BMP5: variants seen among roughly 807,000 people sequenced by gnomAD.
The protein encoded by BMP5 is bone morphogenetic protein 5.
A neutral mutation model predicts 46.6 loss-of-function variants in BMP5; 23 were observed. That is an observed-to-expected ratio of 0.49 (90% CI 0.35 to 0.70). The LOEUF is 0.70. Among genes scored for constraint, BMP5 ranks in the 30% least tolerant of loss-of-function variants. The pLI is 0.00. For synonymous variants in BMP5, 204 were observed against 191.9 expected, an observed-to-expected ratio of 1.06 and a Z score of -0.52; for missense variants, 545 against 565.6, an observed-to-expected ratio of 0.96 and a Z score of 0.37.
chr6:55,866,889 T>C (rs1777652557), intron 1 of BMP5, among the ~76,000 whole-genome samples: 3 of 152,186 alleles, frequency 2.0e-5, no homozygotes, highest in Admixed American at 1.3e-4. Flanking sequence ...CACTAAATTA[T>C]TATTCTCTCT....
chr6:55,764,583 A>AAAAG (rs1774875632), intron 4 of BMP5, among the ~76,000 whole-genome samples: 1 of 147,406 alleles, frequency 6.8e-6, no homozygotes, highest in Non-Finnish European at 1.5e-5. Flanking sequence ...AAAAAAAAAA[A>AAAAG]AAAAGAAAAA....
At chr6:55,764,527 G>A (rs1774871841) in intron 4 of BMP5, among the ~76,000 whole-genome samples, 1 of 149,994 alleles carries the variant, frequency 6.7e-6, no homozygotes. Flanking sequence ...GAGCGAGATG[G>A]TGCCACTTCA....
intron 4 of BMP5, among the ~76,000 whole-genome samples, chr6:55,766,138 G>A (rs973976276): frequency 6.6e-6 from 1 of 151,950 alleles, no homozygotes; most frequent in African/African-American, 2.4e-5. Flanking sequence ...TTTAATCTAG[G>A]TATCCTGTTG....
chr6:55,833,397 G>T (rs569025255), intron 1 of BMP5, among the ~76,000 whole-genome samples: 2 of 152,280 alleles, frequency 1.3e-5, no homozygotes, highest in Admixed American at 1.3e-4. Context: ...ACCAGCCTAT[G>T]CCACATTGGT....
At chr6:55,812,699 G>C (rs1776164226) in intron 2 of BMP5, among the ~76,000 whole-genome samples, 1 of 152,174 alleles carries the variant, frequency 6.6e-6, no homozygotes, top group African/African-American at 2.4e-5. Flanking sequence ...CTTTGACACA[G>C]AAGTTTTGAG....
intron 3 of BMP5, among the ~76,000 whole-genome samples, chr6:55,789,930 T>C (rs545257473): frequency 6.6e-6 from 1 of 152,288 alleles, no homozygotes; most frequent in East Asian, 1.9e-4. Context: ...TTGCAGTTCA[T>C]TTGTCAAATT....
chr6:55,787,186 G>A (rs1775469634), intron 3 of BMP5, among the ~76,000 whole-genome samples: 1 of 151,488 alleles, frequency 6.6e-6, no homozygotes, highest in South Asian at 2.1e-4. Context: ...TTAATTTGGA[G>A]CTCTTTCCCT....
At chr6:55,788,408 C>T (rs781301130) in intron 3 of BMP5, among the ~76,000 whole-genome samples, 12 of 151,778 alleles carry the variant, frequency 7.9e-5, no homozygotes, top group Non-Finnish European at 1.8e-4. Flanking sequence ...AATAACATAA[C>T]TGCCTATATA....
chr6:55,836,270 C>T (rs1363857403), intron 1 of BMP5, among the ~76,000 whole-genome samples: 1 of 152,052 alleles, frequency 6.6e-6, no homozygotes, highest in Non-Finnish European at 1.5e-5. Flanking sequence ...TCAGACTAAG[C>T]TTGAAAGTGA....
At chr6:55,809,567 G>T (rs1272733553) in intron 2 of BMP5, among the ~76,000 whole-genome samples, 3 of 151,784 alleles carry the variant, frequency 2.0e-5, no homozygotes, top group Non-Finnish European at 4.4e-5. Context: ...TGTGGTTGTG[G>T]TTTCAATTAC....
chr6:55,866,824 G>A (rs1159570667), intron 1 of BMP5, among the ~76,000 whole-genome samples: 3 of 152,084 alleles, frequency 2.0e-5, no homozygotes, highest in African/African-American at 7.2e-5. Flanking sequence ...CTTTCAGCAT[G>A]CCATGCTTAT....
At chr6:55,821,152 G>A (rs7767094) in intron 1 of BMP5, among the ~76,000 whole-genome samples, 1,862 of 152,202 alleles carry the variant, frequency 0.012, 40 homozygotes, top group African/African-American at 0.042. Context: ...ATGATGCTGC[G>A]GAGACAAGGC....
At chr6:55,816,142 A>G (rs1776260241) in intron 2 of BMP5, among the ~76,000 whole-genome samples, 1 of 152,082 alleles carries the variant, frequency 6.6e-6, no homozygotes, top group African/African-American at 2.4e-5. Context: ...CAACATACAT[A>G]AAATATATAT....
chr6:55,795,508 T>C (rs1418767599), intron 2 of BMP5, among the ~76,000 whole-genome samples: 1 of 152,130 alleles, frequency 6.6e-6, no homozygotes. Context: ...ATTTTCTGTC[T>C]GTATACATCA....
intron 1 of BMP5, among the ~76,000 whole-genome samples, chr6:55,843,608 A>T (rs1395997940): frequency 6.6e-6 from 1 of 152,102 alleles, no homozygotes; most frequent in Non-Finnish European, 1.5e-5. Flanking sequence ...GAAAAAAAGC[A>T]ACTATAGATC....
At chr6:55,774,921 A>G (rs1352631091) in intron 3 of BMP5, among the ~76,000 whole-genome samples, 1 of 152,016 alleles carries the variant, frequency 6.6e-6, no homozygotes. Context: ...AAATAAACAT[A>G]GAAATTTTGG....
chr6:55,872,539 T>C (rs528332446), intron 1 of BMP5, among the ~76,000 whole-genome samples: 6 of 151,808 alleles, frequency 4.0e-5, no homozygotes, highest in South Asian at 2.1e-4. Context: ...AAAAAAGTTA[T>C]AGGAATCAAT....
At chr6:55,764,300 G>A (rs1257671037) in intron 4 of BMP5, among the ~76,000 whole-genome samples, 1 of 152,122 alleles carries the variant, frequency 6.6e-6, no homozygotes, top group Non-Finnish European at 1.5e-5. Context: ...TTGGCCTGGC[G>A]TGGTGTCTCA....
At chr6:55,823,652 T>G (rs1046685694) in intron 1 of BMP5, among the ~76,000 whole-genome samples, 1 of 152,016 alleles carries the variant, frequency 6.6e-6, no homozygotes, top group African/African-American at 2.4e-5. Flanking sequence ...TTTTGTTTTG[T>G]TATGTTTTCA....
Sources: allele counts gnomAD v4.1 joint callset (sites outside exome capture counted in the v4.1 genomes callset), GRCh38; gene constraint gnomAD v4.1.1; transcripts MANE v1.5; gene names NCBI Gene and HGNC (gene_info 2026-07-23, HGNC 2026-07-21).